MACF1: variants seen among roughly 807,000 people sequenced by gnomAD.
MACF1 encodes microtubule-actin cross-linking factor 1.
Under a neutral mutation model 854.8 loss-of-function variants are expected in MACF1, and 193 were observed. That is an observed-to-expected ratio of 0.23 (90% confidence interval 0.20 to 0.25). The LOEUF is 0.25. Ranked by LOEUF, MACF1 falls within the 10% of genes least tolerant of loss-of-function variation. The pLI is 1.00. For synonymous variants in MACF1, 3,185 were observed against 3,226.7 expected, an observed-to-expected ratio of 0.99 and a Z score of 0.44; for missense variants, 7,722 against 8,929.1, an observed-to-expected ratio of 0.86 and a Z score of 5.45.
chr1:39,177,270 G>T (rs1644042095), intron 2 of MACF1, among the ~76,000 whole-genome samples: 2 of 152,134 alleles, frequency 1.3e-5, no homozygotes, highest in Admixed American at 6.6e-5. Context: ...TGAGTAGCAT[G>T]TGCCACCACG....
At position 39,105,411 on chromosome 1, in the gene MACF1, G is replaced by A. The variant is rs1405346849; in HGVS notation, c.220+20973G>A. 2.0e-6 allele frequency: 2 copies of A among 987,418 alleles called. No homozygotes were observed. The highest frequency in any genetic ancestry group is 2.4e-6 in the Non-Finnish European group (2 of 832,362). The allele number at this position is 987,418 out of a possible 1,614,324, so 61.2% of individuals were successfully genotyped here. On this transcript the variant is annotated intron_variant, in intron 2 of 93. Transcript: ENST00000361689. This position sits in a 1 kb window ranked among gnomAD's most constrained non-coding sequence, Gnocchi z 5.9. ...GGTGAGGACGCGGAAACGCGAGCCG[G>A]GACCGGCGGAGCGCGAGCGGGCCGG...
chr1:39,151,183 A>T (rs1032906281), intron 2 of MACF1, among the ~76,000 whole-genome samples: 2 of 152,198 alleles, frequency 1.3e-5, no homozygotes, highest in Non-Finnish European at 2.9e-5. Flanking sequence ...ATCATTTGAT[A>T]ATCTTCCTTC....
chr1:39,298,902 A>G (rs1645980391), intron 21 of MACF1, among the ~76,000 whole-genome samples: 2 of 150,860 alleles, frequency 1.3e-5, no homozygotes, highest in African/African-American at 4.9e-5. Context: ...TCTCTTCTCG[A>G]GGGTCGCTGC....
intron 97 of MACF1, among the ~76,000 whole-genome samples, chr1:39,472,062 T>C (rs1362847439): frequency 6.6e-6 from 1 of 152,094 alleles, no homozygotes; most frequent in Non-Finnish European, 1.5e-5. Flanking sequence ...GCCTCTTTGG[T>C]GGTCAATGAA....
intron 1 of MACF1, chr1:39,206,775 C>A (rs527761929): frequency 1.1e-4 from 17 of 152,248 alleles, no homozygotes; most frequent in African/African-American, 2.2e-4. Context: ...TTACGAGATT[C>A]TGTACCCATT....
chr1:39,353,084 A>T lies in MACF1; in HGVS notation c.11277A>T (p.Ser3759=). 1 of 1,614,172 alleles carries T rather than the reference A, an allele frequency of 6.2e-7. No individual in the cohort carries two copies. The highest frequency in any genetic ancestry group is 8.5e-7 in the Non-Finnish European group (1 of 1,180,036). ...ALLDWVTSVG[S]SGGQLLTNLP... ...TGGATTGGGTAACTTCAGTAGGATCATCTGGTGGACAGCTGCTGACCAACC... is the reference window on the plus strand; with the variant it reads ...TGGATTGGGTAACTTCAGTAGGATCTTCTGGTGGACAGCTGCTGACCAACC... Residue 3759 remains serine, a synonymous_variant, in exon 44 of 101, where the codon TCA becomes TCT. Transcript: ENST00000564288.
In MACF1 at chr1:39,309,596, T is replaced by C; in HGVS notation, c.2816T>C (p.Met939Thr). 6.2e-7 allele frequency: 1 copy of C among 1,614,234 alleles called. No individual in the cohort carries two copies. Among genetic ancestry groups the C allele is most frequent in the Non-Finnish European group, 8.5e-7 (1 of 1,180,024 alleles). ...GTCGAACAATCTTATCAGAAGGTTA[T>C]GGCCCTTTGGCATCAGCTGCATGTT... Reference protein sequence around the residue: ...SRVEQSYQKVMALWHQLHVNT... With the variant: ...SRVEQSYQKVTALWHQLHVNT... The change falls in exon 24 of 101, where the codon ATG becomes ACG. Residue 939 changes from methionine to threonine, a missense_variant. By Grantham distance (81) the Met-to-Thr change is moderately conservative. This residue lies in a region of MACF1 where 1,137 missense variants were observed against 1,263.0 expected (regional missense o/e 0.90). Transcript: ENST00000564288.
chr1:39,348,025 T>C (rs1016980073), intron 41 of MACF1, among the ~76,000 whole-genome samples: 7 of 152,196 alleles, frequency 4.6e-5, no homozygotes, highest in South Asian at 2.1e-4. Context: ...CAAGATGATA[T>C]TAGAATTGTC....
chr1:39,152,076 G>T (rs1426543243), intron 2 of MACF1, among the ~76,000 whole-genome samples: 2 of 152,112 alleles, frequency 1.3e-5, no homozygotes, highest in African/African-American at 4.8e-5. Flanking sequence ...CCAGGTTCAA[G>T]CGATTCTCCT....
At chr1:39,368,999 CTTT>C (rs552062352) in intron 50 of MACF1, among the ~76,000 whole-genome samples, 5 of 121,906 alleles carry the variant, frequency 4.1e-5, no homozygotes, top group Non-Finnish European at 1.7e-5. Context: ...AGTCCCCTGG[CTTT>C]TTTTTTTTTT....
intron 2 of MACF1, among the ~76,000 whole-genome samples, chr1:39,194,866 T>C (rs1465138474): frequency 6.6e-6 from 1 of 151,950 alleles, no homozygotes; most frequent in African/African-American, 2.4e-5. Context: ...CTAAGTGTTA[T>C]TATGTTTTGG....
At chr1:39,230,255 T>C (rs568920445) in intron 1 of MACF1, among the ~76,000 whole-genome samples, 2 of 152,276 alleles carry the variant, frequency 1.3e-5, no homozygotes, top group South Asian at 4.1e-4. Context: ...TGGAGCCAAG[T>C]AGGCACAGAT....
Position 39,461,986 on chromosome 1 carries a change from C to T in MACF1, c.21627C>T (p.Pro7209=). Residue 7209 remains proline (P), a synonymous_variant, in exon 93 of 101, where the codon CCC becomes CCT. Coordinates refer to ENST00000564288, the MANE Select transcript of MACF1 (RefSeq NM_001394062.1). The part of the protein sequence containing the change: ...DYYEFVAALH[P]NKDAYRPTTD... ...ATGAATTTGTGGCTGCTCTTCATCCCAACAAGGATGCGTATCGACCAACAA... is the reference window on the plus strand; with the variant it reads ...ATGAATTTGTGGCTGCTCTTCATCCTAACAAGGATGCGTATCGACCAACAA... 1 of 1,613,846 alleles carries T rather than the reference C, an allele frequency of 6.2e-7. No individual in the cohort carries two copies. Among genetic ancestry groups the T allele is most frequent in the Non-Finnish European group, 8.5e-7 (1 of 1,179,948 alleles).
intron 2 of MACF1, among the ~76,000 whole-genome samples, chr1:39,165,005 C>T (rs182261189): frequency 4.2e-4 from 64 of 152,230 alleles, no homozygotes; most frequent in Non-Finnish European, 7.5e-4. Context: ...GAGTGGACAT[C>T]CTGGAGCAGA....
chr1:39,084,280 G>C lies in MACF1; in HGVS notation c.62G>C (p.Arg21Pro). 4 of 1,613,932 alleles carry C rather than the reference G, an allele frequency of 2.5e-6. No individual in the cohort carries two copies. Among genetic ancestry groups the C allele is most frequent in the Non-Finnish European group, 3.4e-6 (4 of 1,179,980 alleles). ...TCATGTCGGAGTGAGCGGTCTTGTCGGAGTGAGCGATCTTACAGGAGCGAG... is the reference window on the plus strand; with the variant it reads ...TCATGTCGGAGTGAGCGGTCTTGTCCGAGTGAGCGATCTTACAGGAGCGAG... The change falls in exon 2 of 94, where the codon CGG (arginine) becomes CCG (proline). Residue 21 changes from arginine (R) to proline (P), a missense_variant. Arg to Pro is a moderately radical substitution (Grantham distance 103, BLOSUM62 -2). Transcript: ENST00000361689. This position sits in a 1 kb window ranked among gnomAD's most constrained non-coding sequence, Gnocchi z 5.2.
Position 39,452,152 on chromosome 1 carries a change from C to G in MACF1, c.20419-4C>G. The G allele has an allele frequency of 6.3e-7, 1 of 1,581,690 alleles. No homozygotes were observed. On this transcript the variant is annotated splice_polypyrimidine_tract_variant and splice_region_variant and intron_variant, in intron 85 of 100. Coordinates refer to ENST00000564288, the MANE Select transcript of MACF1 (RefSeq NM_001394062.1). Reference sequence around the variant, plus strand: ...CAAACAAATTCTCCTATTTTCTTTTCTAGGTTTTCCAGAAGGAACTGGGAA... The same window carrying G: ...CAAACAAATTCTCCTATTTTCTTTTGTAGGTTTTCCAGAAGGAACTGGGAA...
chr1:39,105,387 G>C lies in MACF1; in HGVS notation c.220+20949G>C, dbSNP rs1642202284. On this transcript the variant is annotated intron_variant, in intron 2 of 93. Transcript: ENST00000361689. This position sits in a 1 kb window ranked among gnomAD's most constrained non-coding sequence, Gnocchi z 5.9. The stretch of plus-strand genomic sequence containing the variant: ...GCTGAGGGAGGAGCGGAGCCGAGGG[G>C]TGAGGACGCGGAAACGCGAGCCGGG... The C allele has an allele frequency of 1.0e-6, 1 of 986,970 alleles. No homozygotes were observed. The highest frequency in any genetic ancestry group is 1.2e-6 in the Non-Finnish European group (1 of 831,878). The allele number at this position is 986,970 out of a possible 1,614,324, so 61.1% of individuals were successfully genotyped here. A position where few individuals can be genotyped will look rare whatever the true frequency, so the allele number is the denominator to read the frequency against.
chr1:39,484,602 T>G lies in MACF1; in HGVS notation c.22283T>G (p.Val7428Gly). 2 of 1,612,474 alleles carry G rather than the reference T, an allele frequency of 1.2e-6. No individual in the cohort carries two copies. Among genetic ancestry groups the G allele is most frequent in the Non-Finnish European group, 1.7e-6 (2 of 1,179,324 alleles). Residue 7428 changes from valine (V) to glycine (G), a missense_variant and splice_region_variant, in exon 100 of 101, where the codon GTT becomes GGT. By Grantham distance (109) the Val-to-Gly change is moderately radical. Coordinates refer to ENST00000564288, the MANE Select transcript of MACF1 (RefSeq NM_001394062.1). ...GACCTTTTTATTATTTTTTTTAAGG[T>G]TATCCCATCATCAGGTAGCAAGTTG... ...SPDLQLPTPE[V>G]IPSSGSKLKR... is the part of the protein sequence containing the mutation.
intron 56 of MACF1, 37 bp downstream of exon 56, chr1:39,382,189 G>A: frequency 6.3e-7 from 1 of 1,584,970 alleles, no homozygotes; most frequent in Non-Finnish European, 8.6e-7. Context: ...GGAATCACAT[G>A]AAACTGGGTT....
Sources: gnomAD v4.1 joint callset for allele counts (sites outside exome capture counted in the v4.1 genomes callset) on GRCh38, gnomAD v4.1.1 for gene constraint, gnomAD v4.1.1 regional missense constraint, Gnocchi (gnomAD v3.1) non-coding constraint, MANE v1.5 for transcripts, NCBI Gene and HGNC (gene_info 2026-07-23, HGNC 2026-07-21) for gene names.